Variants in BMAL1 observed in about 807,000 individuals in gnomAD.
BMAL1 encodes basic helix-loop-helix ARNT-like protein 1.
At chr11:13,348,398 A>T in the BMAL1 span, among the ~76,000 whole-genome samples, 63 of 152,244 alleles carry the variant, frequency 4.1e-4, no homozygotes, top group African/African-American at 1.4e-3. Context: ...GCAAGGGGGT[A>T]TCCCGCCTCT....
the BMAL1 span, among the ~76,000 whole-genome samples, chr11:13,329,362 C>T: frequency 6.6e-6 from 1 of 152,144 alleles, no homozygotes; most frequent in African/African-American, 2.4e-5. Context: ...CATATTAGTT[C>T]TCTTGTTCAT....
the BMAL1 span, among the ~76,000 whole-genome samples, chr11:13,284,077 GGTGTGTGTGTGTGTGT>G: frequency 3.5e-5 from 3 of 85,628 alleles, no homozygotes; most frequent in African/African-American, 1.1e-4. Context: ...ACAGTGTTGG[GGTGTGTGTGTGTGTGT>G]GTGTGTGTGT....
the BMAL1 span, among the ~76,000 whole-genome samples, chr11:13,385,180 C>G: frequency 6.6e-6 from 1 of 152,122 alleles, no homozygotes; most frequent in East Asian, 1.9e-4. Flanking sequence ...ATAATCCTCC[C>G]CAGTAGCCTG....
At chr11:13,381,048 A>T in the BMAL1 span, 1 of 1,019,344 alleles carries the variant, frequency 9.8e-7, no homozygotes, top group Admixed American at 2.0e-5. Context: ...TTACAGAAAA[A>T]GCTTGCCAAA....
the BMAL1 span, among the ~76,000 whole-genome samples, chr11:13,382,874 A>G: frequency 6.6e-6 from 1 of 152,176 alleles, no homozygotes; most frequent in African/African-American, 2.4e-5. Context: ...TTCTTTTCAC[A>G]TCAACAACTA....
At chr11:13,283,013 T>C in the BMAL1 span, among the ~76,000 whole-genome samples, 1 of 152,192 alleles carries the variant, frequency 6.6e-6, no homozygotes, top group South Asian at 2.1e-4. Flanking sequence ...GGGTTTGAAT[T>C]GGGGACTTAA....
the BMAL1 span, among the ~76,000 whole-genome samples, chr11:13,283,981 C>T: frequency 4.0e-5 from 6 of 151,432 alleles, no homozygotes; most frequent in Non-Finnish European, 5.9e-5. Flanking sequence ...CTGCAGAGCT[C>T]CTCACTGGGG....
chr11:13,287,341 A>G, the BMAL1 span, among the ~76,000 whole-genome samples: 3 of 151,898 alleles, frequency 2.0e-5, no homozygotes, highest in Admixed American at 2.0e-4. Flanking sequence ...TTTTTTCCTT[A>G]CTTGAAGGCA....
the BMAL1 span, among the ~76,000 whole-genome samples, chr11:13,321,099 C>A: frequency 6.6e-6 from 1 of 152,184 alleles, no homozygotes; most frequent in African/African-American, 2.4e-5. Flanking sequence ...TTCACTCTGC[C>A]TTTCCTCCAG....
At chr11:13,301,609 G>A in the BMAL1 span, among the ~76,000 whole-genome samples, 4 of 152,192 alleles carry the variant, frequency 2.6e-5, no homozygotes, top group Non-Finnish European at 4.4e-5. Flanking sequence ...AGGACAGGCT[G>A]AAATGGAGGC....
chr11:13,381,278 A>G, the BMAL1 span: 1 of 1,609,312 alleles, frequency 6.2e-7, no homozygotes, highest in South Asian at 1.1e-5. Flanking sequence ...TTCTTAGCCT[A>G]AGCTAGAGAA....
At chr11:13,360,488 C>A in the BMAL1 span, 1 of 1,465,016 alleles carries the variant, frequency 6.8e-7, no homozygotes, top group South Asian at 1.2e-5. Flanking sequence ...TAAGTACCAG[C>A]ATGTGGGAAT....
At chr11:13,365,050 G>T in the BMAL1 span, among the ~76,000 whole-genome samples, 194 of 152,208 alleles carry the variant, frequency 1.3e-3, no homozygotes, top group African/African-American at 4.4e-3. Context: ...GTACGTGGAG[G>T]TTTTCAAGTT....
At chr11:13,354,795 A>T in the BMAL1 span, among the ~76,000 whole-genome samples, 4 of 152,152 alleles carry the variant, frequency 2.6e-5, no homozygotes, top group African/African-American at 9.7e-5. Flanking sequence ...GTGTCATCTC[A>T]GGGGGTTCAA....
the BMAL1 span, among the ~76,000 whole-genome samples, chr11:13,293,220 G>A: frequency 6.6e-6 from 1 of 152,184 alleles, no homozygotes; most frequent in African/African-American, 2.4e-5. Flanking sequence ...AGGCATGGAA[G>A]GGAATGTGAA....
At chr11:13,298,576 A>G in the BMAL1 span, among the ~76,000 whole-genome samples, 1 of 152,092 alleles carries the variant, frequency 6.6e-6, no homozygotes, top group Non-Finnish European at 1.5e-5. Context: ...GGCAGGCACC[A>G]GTGTTAATTT....
chr11:13,376,794 C>T, the BMAL1 span: 1 of 1,473,462 alleles, frequency 6.8e-7, no homozygotes, highest in Non-Finnish European at 9.3e-7. Flanking sequence ...AAATATCCTC[C>T]CCTAAAGTAT....
At chr11:13,352,881 C>T in the BMAL1 span, among the ~76,000 whole-genome samples, 10 of 152,332 alleles carry the variant, frequency 6.6e-5, no homozygotes, top group Admixed American at 4.6e-4. Flanking sequence ...AGCTCAGACC[C>T]CCTGGCTGTA....
the BMAL1 span, chr11:13,381,344 T>C: frequency 8.1e-7 from 1 of 1,241,638 alleles, no homozygotes; most frequent in South Asian, 1.2e-5. Flanking sequence ...GCAACTGCGA[T>C]TGCTGAAACA....
Sources: gnomAD v4.1 joint callset for allele counts (sites outside exome capture counted in the v4.1 genomes callset) on GRCh38, gnomAD v4.1.1 for gene constraint, MANE v1.5 for transcripts, NCBI Gene and HGNC (gene_info 2026-07-23, HGNC 2026-07-21) for gene names.